Variants in SPPL2B observed in about 807,000 individuals in gnomAD.
SPPL2B encodes the protein signal peptide peptidase-like 2B.
SPPL2B carries 39 observed loss-of-function variants against 59.7 expected under a neutral mutation model. The ratio of observed to expected loss-of-function variants is 0.65; its 90% CI spans 0.51 to 0.85. The LOEUF (loss-of-function observed/expected upper bound fraction) is 0.85, where lower values mean the gene tolerates loss of function less well. Ranked by LOEUF, SPPL2B falls within the 40% of genes least tolerant of loss-of-function variation. The probability of loss-of-function intolerance (pLI) is 0.00; values close to 1 mark genes in which losing one functional copy is unlikely to be tolerated. For missense variants in SPPL2B, 865 were observed against 849.0 expected (o/e 1.02, Z -0.23); for synonymous variants, 419 against 370.8 (o/e 1.13, Z -1.49).
chr19:2,345,760 C>T (rs1969332980), intron 13 of SPPL2B, among the ~76,000 whole-genome samples: 1 of 148,712 alleles, frequency 6.7e-6, no homozygotes, highest in Non-Finnish European at 1.5e-5. Context: ...TGCCTCCGTC[C>T]CCCTCTTTCT....
chr19:2,336,863 C>T (rs1968665264), intron 2 of SPPL2B, among the ~76,000 whole-genome samples: 1 of 141,880 alleles, frequency 7.0e-6, no homozygotes, highest in Non-Finnish European at 1.5e-5. Flanking sequence ...TCCAGCCTGG[C>T]TGTGGGTGTG....
chr19:2,339,767 G>A (rs765395567), intron 5 of SPPL2B, 57 bp from the exon 6 acceptor site: 21 of 1,570,592 alleles, frequency 1.3e-5, no homozygotes, highest in Admixed American at 7.5e-5. Flanking sequence ...GTGGGCTCCC[G>A]AGCCCCGTGT....
chr19:2,338,466 T>G (rs1968789562), intron 3 of SPPL2B: 2 of 350,418 alleles, frequency 5.7e-6, no homozygotes, highest in East Asian at 5.9e-5. Flanking sequence ...ACTCAGGACT[T>G]GTATGTGCGG....
At chr19:2,333,326 G>A (rs1968389345) in intron 1 of SPPL2B, among the ~76,000 whole-genome samples, 1 of 150,360 alleles carries the variant, frequency 6.7e-6, no homozygotes, top group Non-Finnish European at 1.5e-5. Context: ...CTTTGCGGGA[G>A]CAGGAGGAAG....
intron 13 of SPPL2B, among the ~76,000 whole-genome samples, chr19:2,347,219 A>G (rs1230529898): frequency 7.1e-6 from 1 of 140,620 alleles, no homozygotes; most frequent in Non-Finnish European, 1.5e-5. Context: ...CCCTCCACAC[A>G]CACACTCACG....
intron 13 of SPPL2B, among the ~76,000 whole-genome samples, chr19:2,350,292 C>T (rs868858091): frequency 1.8e-4 from 27 of 148,092 alleles, no homozygotes; most frequent in Middle Eastern, 3.5e-3. Flanking sequence ...TCCACACACT[C>T]ACGCGCTGTC....
At chr19:2,337,233 C>A in intron 2 of SPPL2B, 1 of 489,362 alleles carries the variant, frequency 2.0e-6, no homozygotes, top group Admixed American at 3.9e-5. Flanking sequence ...ACTCCGGCCC[C>A]GCTCAGATGA....
At chr19:2,337,786 G>A (rs757651156) in intron 3 of SPPL2B, 161 bp downstream of exon 3, 11 of 726,138 alleles carry the variant, frequency 1.5e-5, no homozygotes, top group South Asian at 2.1e-5. Flanking sequence ...GGGAGGATCC[G>A]GGCCGAGTGT....
At chr19:2,330,993 A>G (rs921008552) in intron 1 of SPPL2B, among the ~76,000 whole-genome samples, 6 of 152,214 alleles carry the variant, frequency 3.9e-5, no homozygotes, top group Non-Finnish European at 1.5e-5. Flanking sequence ...CCGATTGCCC[A>G]AGAATGAGAC....
intron 1 of SPPL2B, among the ~76,000 whole-genome samples, chr19:2,330,022 G>T (rs551339963): frequency 6.6e-6 from 1 of 152,142 alleles, no homozygotes; most frequent in Non-Finnish European, 1.5e-5. Flanking sequence ...ACATTTGGAA[G>T]GAGGGGGAAA....
intron 14 of SPPL2B, among the ~76,000 whole-genome samples, chr19:2,351,867 G>C (rs1050008411): frequency 1.3e-5 from 2 of 151,940 alleles, no homozygotes; most frequent in Non-Finnish European, 2.9e-5. Flanking sequence ...GGGGTGCCGG[G>C]TGGGACGCGG....
intron 13 of SPPL2B, among the ~76,000 whole-genome samples, chr19:2,347,104 T>C (rs114677263): frequency 0.021 from 3,153 of 151,982 alleles, 113 homozygotes; most frequent in African/African-American, 0.071. Context: ...TCACATTCGC[T>C]TGATTCCGTT....
At chr19:2,352,423 G>T (rs1002300678) in intron 14 of SPPL2B, among the ~76,000 whole-genome samples, 1 of 152,160 alleles carries the variant, frequency 6.6e-6, no homozygotes, top group Non-Finnish European at 1.5e-5. Flanking sequence ...CCGCGCATGG[G>T]GTCCTACGTC....
chr19:2,351,042 CAT>C (rs1405183245), intron 13 of SPPL2B, among the ~76,000 whole-genome samples: 2 of 152,230 alleles, frequency 1.3e-5, no homozygotes, highest in African/African-American at 2.4e-5. Context: ...TGGTCAGGCA[CAT>C]GTGTCACCTT....
chr19:2,331,551 C>T (rs1219649247), intron 1 of SPPL2B, among the ~76,000 whole-genome samples: 2 of 152,076 alleles, frequency 1.3e-5, no homozygotes, highest in Non-Finnish European at 2.9e-5. Context: ...GTTCTCTGGC[C>T]TTTGATAGAG....
intron 5 of SPPL2B, among the ~76,000 whole-genome samples, chr19:2,339,449 G>A (rs892510738): frequency 7.2e-5 from 11 of 152,122 alleles, no homozygotes; most frequent in Non-Finnish European, 1.5e-4. Flanking sequence ...TGGCAGGTAC[G>A]GGCGTGGCAG....
rs923996765 is a variant in SPPL2B at position 2,345,422 on chromosome 19, C to T, written c.1354+92C>T. On this transcript the variant is annotated intron_variant, in intron 13 of 14. Coordinates refer to ENST00000613503, the MANE Select transcript of SPPL2B (RefSeq NM_152988.3). ...CCTGACCCTGACCCCTAACCCCAACCCCAACCCTAACCCTAATTCCAACTC... is the reference window on the plus strand; with the variant it reads ...CCTGACCCTGACCCCTAACCCCAACTCCAACCCTAACCCTAATTCCAACTC... 8 of 1,063,202 alleles carry T rather than the reference C, an allele frequency of 7.5e-6. No homozygotes were observed. The African/African-American group carries it at 1.1e-4, about 15-fold the overall frequency. 65.9% of individuals were successfully genotyped at this position (1,063,202 alleles called of 1,614,324 possible).
chr19:2,352,940 C>A lies in SPPL2B; in HGVS notation c.1516-6C>A. 1 of 1,612,142 alleles carries A rather than the reference C, an allele frequency of 6.2e-7. No homozygotes were observed. The highest frequency in any genetic ancestry group is 1.1e-5 in the South Asian group (1 of 91,064). ...CCGCCTCACCTCTGCCTCCCTTCTC[C>A]TGTAGAAAGTCCTACCTCCATCTCC... On this transcript the variant is annotated splice_polypyrimidine_tract_variant and splice_region_variant and intron_variant, in intron 14 of 14. Coordinates refer to ENST00000613503, the MANE Select transcript of SPPL2B (RefSeq NM_152988.3).
chr19:2,339,868 A>G lies in SPPL2B; in HGVS notation c.644A>G (p.Glu215Gly), dbSNP rs966743325. Reference sequence around the variant, plus strand: ...CGCGACGATGGGCCCGAGAAGCAGGAGGACGAGGCGGTGGACGTGACGCCG... The same window carrying G: ...CGCGACGATGGGCCCGAGAAGCAGGGGGACGAGGCGGTGGACGTGACGCCG... Reference protein sequence around the residue: ...HKRDDGPEKQEDEAVDVTPVM... With the variant: ...HKRDDGPEKQGDEAVDVTPVM... Residue 215 changes from glutamate (E) to glycine (G), a missense_variant, in exon 6 of 15, where the codon GAG (glutamate) becomes GGG (glycine). By Grantham distance (98) the Glu-to-Gly change is moderately conservative. Transcript: ENST00000613503. 2 of 1,603,432 alleles carry G rather than the reference A, an allele frequency of 1.2e-6. No homozygotes were observed. The highest frequency in any genetic ancestry group is 2.2e-5 in the South Asian group (2 of 89,016).
Sources: allele counts gnomAD v4.1 joint callset (sites outside exome capture counted in the v4.1 genomes callset), GRCh38; gene constraint gnomAD v4.1.1; transcripts MANE v1.5; gene names NCBI Gene and HGNC (gene_info 2026-07-23, HGNC 2026-07-21).